C1D: variants seen among roughly 807,000 people sequenced by gnomAD.
The protein encoded by C1D is nuclear nucleic acid-binding protein C1D.
A neutral mutation model predicts 17.5 loss-of-function variants in C1D; 10 were observed. The observed-to-expected ratio is 0.57, with a 90% CI of 0.35 to 0.97. C1D has a LOEUF of 0.97. C1D is among the 50% of genes least tolerant of loss of function. The pLI is 0.01. For synonymous variants in C1D, 49 were observed against 54.0 expected (o/e 0.91, Z 0.40); for missense variants, 136 against 160.1 (o/e 0.85, Z 0.81).
At chr2:68,046,945 C>T (rs560044970) in intron 2 of C1D, among the ~76,000 whole-genome samples, 1 of 132,694 alleles carries the variant, frequency 7.5e-6, no homozygotes, top group Admixed American at 6.8e-5. Flanking sequence ...ACCGTGAGTG[C>T]TCCTTTTTTT....
At chr2:68,044,066 T>G (rs1319469596) in intron 4 of C1D, among the ~76,000 whole-genome samples, 1 of 152,226 alleles carries the variant, frequency 6.6e-6, no homozygotes, top group African/African-American at 2.4e-5. Context: ...ACCTTGTCAT[T>G]GAGGCCCTGA....
At chr2:68,047,403 T>A in intron 1 of C1D, 84 bp from the exon 2 acceptor site, 2 of 1,026,986 alleles carry the variant, frequency 1.9e-6, no homozygotes, top group Non-Finnish European at 2.8e-6. Flanking sequence ...ATAGGTCATA[T>A]CATGTATTTC....
chr2:68,060,453 C>T (rs1299289442), intron 1 of C1D, among the ~76,000 whole-genome samples: 1 of 152,114 alleles, frequency 6.6e-6, no homozygotes, highest in African/African-American at 2.4e-5. Context: ...ACCAGCCTGG[C>T]CAACATGGTG....
chr2:68,053,085 C>T (rs745569734), intron 1 of C1D: 81 of 1,550,622 alleles, frequency 5.2e-5, no homozygotes, highest in Middle Eastern at 1.7e-4. Context: ...CACCCTCCTC[C>T]GGGGTTCTAT....
intron 1 of C1D, among the ~76,000 whole-genome samples, chr2:68,056,136 C>A (rs1671432071): frequency 6.6e-6 from 1 of 152,150 alleles, no homozygotes; most frequent in Non-Finnish European, 1.5e-5. Flanking sequence ...CACAAAAATC[C>A]TTTTGAGACA....
At chr2:68,049,456 A>T (rs531841363) in intron 1 of C1D, among the ~76,000 whole-genome samples, 1 of 152,304 alleles carries the variant, frequency 6.6e-6, no homozygotes, top group Non-Finnish European at 1.5e-5. Flanking sequence ...TGAACCAATA[A>T]ATTTGAAAAT....
intron 4 of C1D, among the ~76,000 whole-genome samples, 173 bp downstream of exon 4, chr2:68,045,815 C>T (rs948547415): frequency 9.2e-5 from 14 of 151,516 alleles, no homozygotes; most frequent in African/African-American, 3.4e-4. Context: ...ATATGGAATA[C>T]CAATTATCTG....
chr2:68,062,908 G>C (rs1472896515), intron 1 of C1D, 50 bp downstream of exon 1: 1 of 152,232 alleles, frequency 6.6e-6, no homozygotes, highest in Non-Finnish European at 1.5e-5. Flanking sequence ...AGGAAAAGCG[G>C]AGTTAAACAG....
chr2:68,055,582 C>T (rs942128431), intron 1 of C1D, among the ~76,000 whole-genome samples: 1 of 151,636 alleles, frequency 6.6e-6, no homozygotes, highest in Non-Finnish European at 1.5e-5. Context: ...TCAAATAAAC[C>T]AAGTGGAAAA....
chr2:68,046,115 G>T, intron 3 of C1D, 72 bp from the exon 4 acceptor site: 1 of 1,089,610 alleles, frequency 9.2e-7, no homozygotes, highest in Non-Finnish European at 1.3e-6. Flanking sequence ...AAAGAAACTA[G>T]TTATTCACAA....
At chr2:68,061,165 C>A (rs1250459782) in intron 1 of C1D, among the ~76,000 whole-genome samples, 3 of 152,200 alleles carry the variant, frequency 2.0e-5, no homozygotes, top group Non-Finnish European at 4.4e-5. Context: ...CACCAGAATT[C>A]TATTACTGTA....
chr2:68,056,617 G>T (rs1402290872), intron 1 of C1D, among the ~76,000 whole-genome samples: 1 of 151,484 alleles, frequency 6.6e-6, no homozygotes, highest in East Asian at 1.9e-4. Context: ...AAATAAACAA[G>T]AAAATCAACA....
intron 1 of C1D, among the ~76,000 whole-genome samples, chr2:68,054,909 TAA>T (rs752623043): frequency 1.1e-4 from 16 of 150,920 alleles, no homozygotes; most frequent in Admixed American, 8.6e-4. Context: ...GAGGCTGCAG[TAA>T]GTTATGATTA....
intron 1 of C1D, among the ~76,000 whole-genome samples, chr2:68,050,471 G>A (rs990161283): frequency 6.6e-6 from 1 of 151,694 alleles, no homozygotes; most frequent in African/African-American, 2.4e-5. Context: ...TCTCAAAATT[G>A]CACTTGGCAA....
At chr2:68,059,459 G>A (rs1219461325) in intron 1 of C1D, among the ~76,000 whole-genome samples, 1 of 152,084 alleles carries the variant, frequency 6.6e-6, no homozygotes, top group Non-Finnish European at 1.5e-5. Flanking sequence ...CCTCTATAAA[G>A]GTGTCCATAC....
chr2:68,044,184 T>C (rs1246224514), intron 4 of C1D, among the ~76,000 whole-genome samples: 1 of 152,216 alleles, frequency 6.6e-6, no homozygotes, highest in Admixed American at 6.5e-5. Flanking sequence ...CATATATATT[T>C]CTTATTTGTT....
intron 4 of C1D, among the ~76,000 whole-genome samples, chr2:68,044,925 G>A (rs1277085112): frequency 6.6e-6 from 1 of 152,062 alleles, no homozygotes; most frequent in Non-Finnish European, 1.5e-5. Context: ...TCTATATTAG[G>A]AAGTTGAAAA....
At position 68,042,909 on chromosome 2, in the gene C1D, T is replaced by C; in HGVS notation, c.406A>G (p.Lys136Glu). Residue 136 changes from lysine (K) to glutamate (E), a missense_variant, in exon 5 of 5, where the codon AAA (lysine) becomes GAA (glutamate). Coordinates refer to ENST00000410067, the MANE Select transcript of C1D (RefSeq NM_173177.3). Reference protein sequence around the residue: ...KSKNASKVANKGKSKS With the variant: ...KSKNASKVANEGKSKS ...AAAAGTTAACTTTTACTTTTTCCTTTATTGGCAACTTTTGATGCATTTTTC... is the reference window on the plus strand; with the variant it reads ...AAAAGTTAACTTTTACTTTTTCCTTCATTGGCAACTTTTGATGCATTTTTC... 1 of 1,601,584 alleles carries C rather than the reference T, an allele frequency of 6.2e-7. No homozygotes were observed. Among genetic ancestry groups the C allele is most frequent in the Non-Finnish European group, 8.5e-7 (1 of 1,172,660 alleles).
At chr2:68,052,460 AG>A (rs1287155963) in intron 1 of C1D, among the ~76,000 whole-genome samples, 2 of 152,342 alleles carry the variant, frequency 1.3e-5, no homozygotes, top group Non-Finnish European at 2.9e-5. Flanking sequence ...AAACAAAAAA[AG>A]GTCTTTATTT....
Sources: gnomAD v4.1 joint callset for allele counts (sites outside exome capture counted in the v4.1 genomes callset) on GRCh38, gnomAD v4.1.1 for gene constraint, MANE v1.5 for transcripts, NCBI Gene and HGNC (gene_info 2026-07-23, HGNC 2026-07-21) for gene names.